The following PEBP4 variants were observed in gnomAD, a reference collection of about 807,000 sequenced individuals.
PEBP4 encodes phosphatidylethanolamine binding protein 4.
PEBP4 carries 22 observed loss-of-function variants against 23.9 expected under a neutral mutation model. That is an observed-to-expected ratio of 0.92 (90% CI 0.66 to 1.31). The LOEUF is 1.31. Among genes scored for constraint, PEBP4 ranks in the 40% most tolerant of loss-of-function variants. The pLI is 0.00. For synonymous variants in PEBP4, 112 were observed against 99.3 expected, an observed-to-expected ratio of 1.13 and a Z score of -0.76; for missense variants, 324 against 281.7, an observed-to-expected ratio of 1.15 and a Z score of -1.07.
At chr8:22,752,584 C>T (rs976199970) in intron 4 of PEBP4, among the ~76,000 whole-genome samples, 3 of 152,154 alleles carry the variant, frequency 2.0e-5, no homozygotes, top group African/African-American at 2.4e-5. Flanking sequence ...GTGGGGTGAA[C>T]TAGAAATGCT....
chr8:22,814,766 T>C (rs547527404), intron 4 of PEBP4, among the ~76,000 whole-genome samples: 2 of 152,312 alleles, frequency 1.3e-5, no homozygotes, highest in South Asian at 4.1e-4. Flanking sequence ...GGTGTAGTAT[T>C]ATGGGGTCCA....
intron 1 of PEBP4, among the ~76,000 whole-genome samples, chr8:22,934,317 C>A (rs145180077): frequency 1.3e-5 from 2 of 151,964 alleles, no homozygotes; most frequent in Non-Finnish European, 2.9e-5. Flanking sequence ...ATGGGGGGCA[C>A]GGAGCTGTAT....
At position 22,713,389 on chromosome 8, in the gene PEBP4, G is replaced by A. The variant is rs201974520; in HGVS notation, c.665C>T (p.Ala222Val). The A allele has an allele frequency of 8.9e-3, 14,114 of 1,587,076 alleles. 76 individuals carry two copies. The highest frequency in any genetic ancestry group is 0.011 in the Non-Finnish European group (12,330 of 1,168,080). ...RASEPKHKNQ[A>V]EIAAC ...GGCTATCTAGCAGGCAGCTATCTCCGCCTGGTTTTTGTGCTTGGGCTCGCT... is the reference window on the plus strand; with the variant it reads ...GGCTATCTAGCAGGCAGCTATCTCCACCTGGTTTTTGTGCTTGGGCTCGCT... The change falls in exon 7 of 7, where the codon GCG (alanine) becomes GTG (valine). Residue 222 changes from alanine to valine, a missense_variant. Coordinates refer to ENST00000256404, the MANE Select transcript of PEBP4 (RefSeq NM_144962.3).
chr8:22,756,270 C>T (rs576804792), intron 4 of PEBP4, among the ~76,000 whole-genome samples: 12 of 152,288 alleles, frequency 7.9e-5, no homozygotes, highest in Admixed American at 1.3e-4. Context: ...CTGGGGAGGG[C>T]GGGCTTGTGC....
At chr8:22,776,180 G>A (rs554895266) in intron 4 of PEBP4, among the ~76,000 whole-genome samples, 10 of 152,320 alleles carry the variant, frequency 6.6e-5, no homozygotes, top group Non-Finnish European at 1.2e-4. Context: ...AAATGCTGAC[G>A]CCAGCGCTCA....
At chr8:22,922,408 T>C (rs146842414) in intron 2 of PEBP4, among the ~76,000 whole-genome samples, 2 of 84,018 alleles carry the variant, frequency 2.4e-5, no homozygotes, top group African/African-American at 7.1e-5. Flanking sequence ...AAAATTAAAG[T>C]TACTGAGAAA....
At chr8:22,764,740 G>C (rs899099442) in intron 4 of PEBP4, among the ~76,000 whole-genome samples, 1 of 151,720 alleles carries the variant, frequency 6.6e-6, no homozygotes, top group African/African-American at 2.4e-5. Context: ...CTGGGTGCAG[G>C]TGCAGAGTGG....
intron 3 of PEBP4, among the ~76,000 whole-genome samples, chr8:22,834,387 T>G (rs1807156434): frequency 6.6e-6 from 1 of 152,216 alleles, no homozygotes; most frequent in Non-Finnish European, 1.5e-5. Context: ...GGTTCGAATT[T>G]CAGGCTGGTG....
intron 4 of PEBP4, among the ~76,000 whole-genome samples, chr8:22,764,510 C>T (rs551160083): frequency 4.9e-4 from 74 of 152,202 alleles, no homozygotes; most frequent in Middle Eastern, 3.4e-3. Context: ...GGCATGTGAC[C>T]GGTGTAGTTG....
chr8:22,746,523 C>A (rs1805122652), intron 4 of PEBP4, among the ~76,000 whole-genome samples: 1 of 151,950 alleles, frequency 6.6e-6, no homozygotes, highest in South Asian at 2.1e-4. Flanking sequence ...CCCTTCACTG[C>A]CTTCCCCTTC....
intron 4 of PEBP4, among the ~76,000 whole-genome samples, chr8:22,806,833 T>C (rs185465246): frequency 2.0e-5 from 3 of 152,358 alleles, no homozygotes; most frequent in Non-Finnish European, 4.4e-5. Flanking sequence ...CTTGTTCTAA[T>C]GCCTGGCTCA....
chr8:22,870,925 T>C (rs1276564703), intron 3 of PEBP4, among the ~76,000 whole-genome samples: 1 of 152,056 alleles, frequency 6.6e-6, no homozygotes. Context: ...ATTCTCAGGA[T>C]CAAAGATGGC....
chr8:22,772,494 T>TC (rs35225879), intron 4 of PEBP4, among the ~76,000 whole-genome samples: 1,890 of 20,724 alleles, frequency 0.091, 35 homozygotes, highest in African/African-American at 0.16. Flanking sequence ...TCTCTCTCTC[T>TC]TTTTTTTTTT....
At position 22,800,735 on chromosome 8, in the gene PEBP4, A is replaced by G. The variant is rs117955407; in HGVS notation, c.357+16902T>C. 7.4e-3 allele frequency among the ~76,000 whole-genome samples: 1,120 copies of G among 152,234 alleles called. 9 individuals are homozygous for G. Among genetic ancestry groups the G allele is most frequent in the Non-Finnish European group, 0.012 (830 of 67,986 alleles). ...CAGCAGGACTGGGGCAGGTGGCATG[A>G]TACCCAGAGCTGAGTGTCCTGCCCA... On this transcript the variant is annotated intron_variant, in intron 4 of 6. Coordinates refer to ENST00000256404, the MANE Select transcript of PEBP4 (RefSeq NM_144962.3).
chr8:22,900,882 C>T (rs1254086156), intron 3 of PEBP4, among the ~76,000 whole-genome samples: 1 of 152,282 alleles, frequency 6.6e-6, no homozygotes, highest in East Asian at 1.9e-4. Flanking sequence ...CCTATTTACT[C>T]TTAGTTTAGA....
At chr8:22,838,454 ACCTT>A (rs1417823197) in intron 3 of PEBP4, among the ~76,000 whole-genome samples, 1 of 152,168 alleles carries the variant, frequency 6.6e-6, no homozygotes, top group African/African-American at 2.4e-5. Context: ...AGGAGCCTGC[ACCTT>A]GGCTTGGGAG....
At chr8:22,738,834 C>T (rs1347107544) in intron 4 of PEBP4, among the ~76,000 whole-genome samples, 1 of 152,174 alleles carries the variant, frequency 6.6e-6, no homozygotes, top group African/African-American at 2.4e-5. Context: ...CATATATCCA[C>T]ATGCACAGAC....
intron 3 of PEBP4, chr8:22,886,927 T>C (rs1021676572): frequency 5.3e-5 from 8 of 152,138 alleles, no homozygotes; most frequent in Non-Finnish European, 1.0e-4. Flanking sequence ...CACCCCAGGG[T>C]GGGGTGGGAC....
Position 22,800,503 on chromosome 8 carries a change from C to T in PEBP4, c.357+17134G>A, listed in dbSNP as rs149237547. On this transcript the variant is annotated intron_variant, in intron 4 of 6. Transcript: ENST00000256404. ...ATCAGCCCTGTCCCCGCTTCAGGCA[C>T]GTGTTGTGACTCTTTACTCTTCATG... Among the ~76,000 whole-genome samples the T allele has an allele frequency of 2.0e-3, 305 of 152,146 alleles. 1 individual carries two copies. The highest frequency in any genetic ancestry group is 6.9e-3 in the African/African-American group (288 of 41,514).
Sources: gnomAD v4.1 joint callset for allele counts (sites outside exome capture counted in the v4.1 genomes callset) on GRCh38, gnomAD v4.1.1 for gene constraint, MANE v1.5 for transcripts, NCBI Gene and HGNC (gene_info 2026-07-23, HGNC 2026-07-21) for gene names.